Variants in FRMD4B observed in about 807,000 individuals in gnomAD.
FRMD4B encodes the protein FERM domain containing 4B.
FRMD4B carries 74 observed loss-of-function variants against 141.5 expected under a neutral mutation model. The observed-to-expected ratio is 0.52, with a 90% CI of 0.43 to 0.63. The LOEUF is 0.63. Among genes scored for constraint, FRMD4B ranks in the 30% least tolerant of loss-of-function variants. FRMD4B has a pLI of 0.00. For missense variants in FRMD4B, 1,366 were observed against 1,253.4 expected (o/e 1.09, Z -1.36); for synonymous variants, 506 against 467.9 (o/e 1.08, Z -1.05).
intron 2 of FRMD4B, among the ~76,000 whole-genome samples, chr3:69,419,415 C>T (rs1338952714): frequency 6.6e-6 from 1 of 152,136 alleles, no homozygotes; most frequent in Non-Finnish European, 1.5e-5. Context: ...CAGAGGTGGC[C>T]ACTCATAGGT....
chr3:69,482,395 A>C (rs1706138567), intron 1 of FRMD4B, among the ~76,000 whole-genome samples: 1 of 152,126 alleles, frequency 6.6e-6, no homozygotes, highest in South Asian at 2.1e-4. Flanking sequence ...GTCTGCTCCC[A>C]CACTTAATGA....
intron 1 of FRMD4B, among the ~76,000 whole-genome samples, chr3:69,362,955 G>A (rs1703512805): frequency 6.6e-6 from 1 of 150,478 alleles, no homozygotes. Context: ...TGACCTTCAA[G>A]TCCTGAGCTT....
intron 7 of FRMD4B, among the ~76,000 whole-genome samples, chr3:69,236,801 C>T (rs907126378): frequency 2.0e-5 from 3 of 152,172 alleles, no homozygotes; most frequent in African/African-American, 7.2e-5. Context: ...AAAGAAGAAA[C>T]AAGCTGACAC....
chr3:69,239,253 C>A (rs1490851628), intron 7 of FRMD4B, among the ~76,000 whole-genome samples: 1 of 152,190 alleles, frequency 6.6e-6, no homozygotes, highest in Non-Finnish European at 1.5e-5. Context: ...ACCAAAGATG[C>A]ATCCTGTAGC....
Position 69,371,522 on chromosome 3 carries a change from G to T in FRMD4B, c.162+14306C>A, listed in dbSNP as rs142373402. Among the ~76,000 whole-genome samples, 679 of 152,306 alleles carry T rather than the reference G, an allele frequency of 4.5e-3. 13 individuals are homozygous for T. Among genetic ancestry groups the T allele is most frequent in the Admixed American group, 0.039 (600 of 15,294 alleles). ...TTACTTTGAACAAAATCGCACTGGA[G>T]GTGGGGTTGAGAAAACACTGCAGGG... On this transcript the variant is annotated intron_variant, in intron 1 of 22. Coordinates refer to ENST00000398540, the MANE Select transcript of FRMD4B (RefSeq NM_015123.3).
chr3:69,488,935 T>C (rs1217114128), intron 1 of FRMD4B, among the ~76,000 whole-genome samples: 2 of 149,416 alleles, frequency 1.3e-5, no homozygotes, highest in Admixed American at 6.7e-5. Flanking sequence ...TATAAAACTC[T>C]TCAAAGAAAA....
intron 11 of FRMD4B, among the ~76,000 whole-genome samples, chr3:69,207,419 A>T (rs2093033895): frequency 6.6e-6 from 1 of 152,086 alleles, no homozygotes; most frequent in Non-Finnish European, 1.5e-5. Context: ...CTCTGCATTC[A>T]GACTAGTCAA....
At chr3:69,279,956 A>G (rs1468769847) in intron 5 of FRMD4B, among the ~76,000 whole-genome samples, 1 of 152,022 alleles carries the variant, frequency 6.6e-6, no homozygotes, top group African/African-American at 2.4e-5. Flanking sequence ...AAGATGGCCA[A>G]TACTATTTTA....
chr3:69,530,886 A>G (rs1359152886), intron 1 of FRMD4B, among the ~76,000 whole-genome samples: 1 of 152,210 alleles, frequency 6.6e-6, no homozygotes, highest in East Asian at 1.9e-4. Flanking sequence ...CATACCAATA[A>G]TTTCCACAAA....
chr3:69,250,284 T>TGTGCGC (rs2093454320), intron 5 of FRMD4B, 185 bp from the exon 6 acceptor site: 1 of 484,188 alleles, frequency 2.1e-6, no homozygotes, highest in Non-Finnish European at 3.6e-6. Flanking sequence ...GAAACCACTG[T>TGTGCGC]GTGTGCGTGT....
intron 1 of FRMD4B, among the ~76,000 whole-genome samples, chr3:69,539,050 A>C (rs1318881564): frequency 1.3e-5 from 2 of 152,206 alleles, no homozygotes; most frequent in Non-Finnish European, 2.9e-5. Context: ...ATTCATGATA[A>C]GATCAGATCT....
chr3:69,425,356 T>C (rs762397824), intron 2 of FRMD4B, among the ~76,000 whole-genome samples: 7 of 152,168 alleles, frequency 4.6e-5, no homozygotes, highest in Admixed American at 1.3e-4. Context: ...TGCTGCTCAT[T>C]AGTTCACGAA....
chr3:69,454,112 A>T (rs948385434), intron 1 of FRMD4B, among the ~76,000 whole-genome samples: 1 of 152,216 alleles, frequency 6.6e-6, no homozygotes, highest in Non-Finnish European at 1.5e-5. Context: ...CTCCTGCTGT[A>T]TCCCCAGCGA....
intron 1 of FRMD4B, among the ~76,000 whole-genome samples, chr3:69,443,622 C>A (rs551624661): frequency 6.6e-6 from 1 of 152,138 alleles, no homozygotes; most frequent in Non-Finnish European, 1.5e-5. Flanking sequence ...ACCACCTTTG[C>A]AAAATTATGA....
At chr3:69,237,331 C>A (rs1216127805) in intron 7 of FRMD4B, among the ~76,000 whole-genome samples, 1 of 152,184 alleles carries the variant, frequency 6.6e-6, no homozygotes, top group East Asian at 1.9e-4. Flanking sequence ...TACCTTTAAA[C>A]CTTTCTTGAT....
At chr3:69,179,965 C>T (rs1352766031) in intron 21 of FRMD4B, among the ~76,000 whole-genome samples, 1 of 152,152 alleles carries the variant, frequency 6.6e-6, no homozygotes, top group Non-Finnish European at 1.5e-5. Context: ...TGGGAGTAGG[C>T]AGGAAGTCCT....
chr3:69,274,614 G>T (rs1251745867), intron 5 of FRMD4B, among the ~76,000 whole-genome samples: 1 of 152,128 alleles, frequency 6.6e-6, no homozygotes, highest in African/African-American at 2.4e-5. Flanking sequence ...TGCTTCCCCA[G>T]TTCAAGCAAT....
In FRMD4B at chr3:69,193,635, A is replaced by G. The variant is rs1347047649; in HGVS notation, c.1714+13T>C. 4.6e-6 allele frequency: 7 copies of G among 1,532,610 alleles called. No homozygotes were observed. Among genetic ancestry groups the G allele is most frequent in the Non-Finnish European group, 6.3e-6 (7 of 1,115,112 alleles). 94.9% of individuals were successfully genotyped at this position (1,532,610 alleles called of 1,614,324 possible). ...TAGGGGACTCAAAAAAAAAAACCTT[A>G]CTTATTACTAACCTGGTAACACTGT... On this transcript the variant is annotated intron_variant, in intron 17 of 22. Transcript: ENST00000398540.
intron 1 of FRMD4B, among the ~76,000 whole-genome samples, chr3:69,454,988 A>G (rs899061420): frequency 6.6e-5 from 10 of 152,194 alleles, no homozygotes; most frequent in African/African-American, 2.4e-4. Flanking sequence ...CGTGGGTACA[A>G]CACTCAGCAC....
Sources: allele counts gnomAD v4.1 joint callset (sites outside exome capture counted in the v4.1 genomes callset), GRCh38; gene constraint gnomAD v4.1.1; transcripts MANE v1.5; gene names NCBI Gene and HGNC (gene_info 2026-07-23, HGNC 2026-07-21).